FAM169A: variants seen among roughly 807,000 people sequenced by gnomAD.
The protein encoded by FAM169A is family with sequence similarity 169 member A.
FAM169A carries 24 observed loss-of-function variants against 75.7 expected under a neutral mutation model. The ratio of observed to expected loss-of-function variants is 0.32; its 90% CI spans 0.23 to 0.45. FAM169A has a LOEUF of 0.45. Ranked by LOEUF, FAM169A falls within the 20% of genes least tolerant of loss-of-function variation. The probability of loss-of-function intolerance (pLI) is 1.00; values close to 1 mark genes in which losing one functional copy is unlikely to be tolerated. For synonymous variants in FAM169A, 271 were observed against 271.0 expected (o/e 1.00, Z 0.00); for missense variants, 673 against 784.0 (o/e 0.86, Z 1.69).
intron 5 of FAM169A, among the ~76,000 whole-genome samples, chr5:74,832,579 A>G (rs1748370215): frequency 1.3e-5 from 2 of 150,182 alleles, no homozygotes; most frequent in South Asian, 4.2e-4. Flanking sequence ...TTACATACAT[A>G]TCAGTATATA....
chr5:74,812,445 CTTT>C (rs756133796), intron 6 of FAM169A, among the ~76,000 whole-genome samples: 1 of 144,452 alleles, frequency 6.9e-6, no homozygotes, highest in African/African-American at 2.5e-5. Context: ...ACTTTTTAAA[CTTT>C]TTTTTTTTTT....
At chr5:74,784,763 C>CA (rs1187576477) in intron 11 of FAM169A, among the ~76,000 whole-genome samples, 1 of 146,256 alleles carries the variant, frequency 6.8e-6, no homozygotes, top group Non-Finnish European at 1.5e-5. Context: ...CTAAAAAATA[C>CA]AAAAAATTAG....
At chr5:74,865,136 G>A (rs1329187994) in intron 1 of FAM169A, among the ~76,000 whole-genome samples, 1 of 152,118 alleles carries the variant, frequency 6.6e-6, no homozygotes, top group Non-Finnish European at 1.5e-5. Flanking sequence ...AAATGGCTTG[G>A]GTATAATCTG....
chr5:74,813,731 G>A, intron 6 of FAM169A, 109 bp downstream of exon 6: 1 of 740,774 alleles, frequency 1.3e-6, no homozygotes, highest in Non-Finnish European at 2.0e-6. Context: ...GAGAGCCTAA[G>A]GTTCCAAATT....
chr5:74,807,274 T>C (rs778511315), intron 6 of FAM169A, among the ~76,000 whole-genome samples: 3 of 152,200 alleles, frequency 2.0e-5, no homozygotes, highest in African/African-American at 4.8e-5. Context: ...CTTCAGCCTA[T>C]AGCCGGGCAA....
At chr5:74,828,314 A>G (rs1748137397) in intron 5 of FAM169A, among the ~76,000 whole-genome samples, 1 of 152,184 alleles carries the variant, frequency 6.6e-6, no homozygotes, top group Non-Finnish European at 1.5e-5. Flanking sequence ...TTACACTACT[A>G]CAAAACTATT....
chr5:74,839,810 C>G (rs1304830263), intron 3 of FAM169A, among the ~76,000 whole-genome samples: 1 of 152,058 alleles, frequency 6.6e-6, no homozygotes, highest in East Asian at 1.9e-4. Flanking sequence ...AGGCATGAGC[C>G]ACCGTGCCTG....
intron 1 of FAM169A, among the ~76,000 whole-genome samples, chr5:74,843,006 T>C (rs565640501): frequency 2.6e-5 from 4 of 151,540 alleles, no homozygotes; most frequent in Non-Finnish European, 5.9e-5. Flanking sequence ...GGACATAAAA[T>C]TAGCATACAT....
chr5:74,797,442 G>A (rs1746337267), intron 10 of FAM169A, among the ~76,000 whole-genome samples: 1 of 152,124 alleles, frequency 6.6e-6, no homozygotes, highest in South Asian at 2.1e-4. Flanking sequence ...CTCCCAAAGT[G>A]CTGGGATTAC....
At chr5:74,806,287 G>C (rs1746879362) in intron 6 of FAM169A, among the ~76,000 whole-genome samples, 1 of 152,148 alleles carries the variant, frequency 6.6e-6, no homozygotes, top group Non-Finnish European at 1.5e-5. Context: ...GACAGAAAAG[G>C]CATTACACTT....
At chr5:74,822,334 C>G (rs773186918) in intron 5 of FAM169A, among the ~76,000 whole-genome samples, 40 of 152,228 alleles carry the variant, frequency 2.6e-4, no homozygotes, top group Non-Finnish European at 5.0e-4. Context: ...ACTAGTCACA[C>G]AGCCCCATGT....
chr5:74,791,779 GA>G (rs201113565), intron 11 of FAM169A, among the ~76,000 whole-genome samples: 2 of 150,854 alleles, frequency 1.3e-5, no homozygotes, highest in Non-Finnish European at 3.0e-5. Flanking sequence ...ACTCCACTAG[GA>G]AAAAAAAACA....
At chr5:74,782,555 C>G (rs1273416794) in intron 12 of FAM169A, among the ~76,000 whole-genome samples, 1 of 152,068 alleles carries the variant, frequency 6.6e-6, no homozygotes, top group East Asian at 1.9e-4. Flanking sequence ...CAAGTTTTTT[C>G]CCCCACTAAC....
At chr5:74,850,332 G>A (rs1458177983) in intron 1 of FAM169A, among the ~76,000 whole-genome samples, 3 of 152,152 alleles carry the variant, frequency 2.0e-5, no homozygotes, top group Middle Eastern at 3.2e-3. Flanking sequence ...GCCCTAATAC[G>A]GTTAAAGATT....
rs1745288600 is a variant in FAM169A at position 74,779,293 on chromosome 5, TAAAG to T, written c.*2163_*2166del. On this transcript the variant is annotated 3_prime_UTR_variant, in exon 13 of 13. Coordinates refer to ENST00000687041, the MANE Select transcript of FAM169A (RefSeq NM_001376049.1). ...CAATCTTTAAAAAACTACACTTGTC[TAAAG>T]AAAGTCTTTTAGTGCTCACTTCGGC... is the stretch of plus-strand genomic sequence containing the variant. 6.6e-6 allele frequency: 1 copy of T among 152,172 alleles called. No individual in the cohort carries two copies. Among genetic ancestry groups the T allele is most frequent in the African/African-American group, 2.4e-5 (1 of 41,458 alleles). 9.4% of individuals were successfully genotyped at this position (152,172 alleles called of 1,614,324 possible). A position where few individuals can be genotyped will look rare whatever the true frequency, so the allele number is the denominator to read the frequency against.
intron 8 of FAM169A, among the ~76,000 whole-genome samples, chr5:74,802,780 T>C (rs1357787995): frequency 5.3e-5 from 8 of 152,112 alleles, no homozygotes; most frequent in African/African-American, 9.7e-5. Context: ...CTTCAATTTA[T>C]AGAACAAAAG....
chr5:74,818,880 T>C (rs1425492967), intron 5 of FAM169A, among the ~76,000 whole-genome samples: 1 of 151,636 alleles, frequency 6.6e-6, no homozygotes, highest in Non-Finnish European at 1.5e-5. Flanking sequence ...GTCAGTTATA[T>C]CACAATAAGG....
chr5:74,858,312 T>TGGGAGGCCAAGGTTGCA (rs1318532307), intron 1 of FAM169A, among the ~76,000 whole-genome samples: 1 of 152,052 alleles, frequency 6.6e-6, no homozygotes, highest in East Asian at 1.9e-4. Flanking sequence ...TGCTTGAAGC[T>TGGGAGGCCAAGGTTGCA]GGGAGGCCAA....
intron 1 of FAM169A, among the ~76,000 whole-genome samples, chr5:74,862,146 C>T (rs1750067918): frequency 6.6e-6 from 1 of 152,208 alleles, no homozygotes; most frequent in Admixed American, 6.5e-5. Flanking sequence ...CATAAAAGCT[C>T]GTATCTTTTC....
Sources: allele counts gnomAD v4.1 joint callset (sites outside exome capture counted in the v4.1 genomes callset), GRCh38; gene constraint gnomAD v4.1.1; transcripts MANE v1.5; gene names NCBI Gene and HGNC (gene_info 2026-07-23, HGNC 2026-07-21).